The following WDFY4 variants were observed in gnomAD, a reference collection of about 807,000 sequenced individuals.
WDFY4 encodes the protein WD repeat- and FYVE domain-containing protein 4.
WDFY4 carries 169 observed loss-of-function variants against 351.9 expected under a neutral mutation model. The observed-to-expected ratio is 0.48, with a 90% confidence interval of 0.42 to 0.55. The LOEUF is 0.55. Among genes scored for constraint, WDFY4 ranks in the 20% least tolerant of loss-of-function variants. The pLI, the probability that WDFY4 is intolerant of heterozygous loss-of-function variation, is 0.00. For missense variants in WDFY4, 3,803 were observed against 3,935.6 expected, an observed-to-expected ratio of 0.97 and a Z score of 0.90; for synonymous variants, 1,622 against 1,574.6, an observed-to-expected ratio of 1.03 and a Z score of -0.71.
intron 1 of WDFY4, among the ~76,000 whole-genome samples, chr10:48,694,716 C>T (rs1201880660): frequency 5.3e-5 from 8 of 152,210 alleles, no homozygotes; most frequent in Admixed American, 2.0e-4. Context: ...CCCTGAGCCC[C>T]TGTCCCTGCT....
intron 47 of WDFY4, among the ~76,000 whole-genome samples, chr10:48,914,961 C>T (rs1223039573): frequency 6.6e-6 from 1 of 152,214 alleles, no homozygotes; most frequent in East Asian, 1.9e-4. Flanking sequence ...TTCAACTCCT[C>T]TGCACAGAAA....
intron 11 of WDFY4, among the ~76,000 whole-genome samples, chr10:48,738,025 T>C (rs2064726996): frequency 2.0e-5 from 3 of 152,220 alleles, no homozygotes; most frequent in Admixed American, 2.0e-4. Flanking sequence ...TTTTCCTTCA[T>C]ATGTCCATGT....
chr10:48,858,517 G>T (rs770516135), intron 39 of WDFY4, among the ~76,000 whole-genome samples: 1 of 152,190 alleles, frequency 6.6e-6, no homozygotes, highest in Non-Finnish European at 1.5e-5. Flanking sequence ...GGGCATTCAT[G>T]TGTGGATTAT....
rs74130693 is a variant in WDFY4 at position 48,916,042 on chromosome 10, A to G, written c.7586+14179A>G. On this transcript the variant is annotated intron_variant, in intron 47 of 61. Coordinates refer to ENST00000325239, the MANE Select transcript of WDFY4 (RefSeq NM_001394531.1). The stretch of plus-strand genomic sequence containing the variant: ...TTTGTATGCTCACTTGGTCCCACCA[A>G]ACTCCTGAAAGCAAGTAAAGCCTTG... Among the ~76,000 whole-genome samples the G allele has an allele frequency of 8.5e-3, 1,301 of 152,334 alleles. 24 individuals are homozygous for G. Among genetic ancestry groups the G allele is most frequent in the African/African-American group, 0.03 (1,251 of 41,570 alleles).
intron 1 of WDFY4, among the ~76,000 whole-genome samples, chr10:48,689,783 T>G (rs576949375): frequency 6.6e-6 from 1 of 152,238 alleles, no homozygotes; most frequent in Non-Finnish European, 1.5e-5. Context: ...AAAGAAAATA[T>G]ACAAGCTAAT....
At chr10:48,908,578 A>G (rs1277573580) in intron 47 of WDFY4, among the ~76,000 whole-genome samples, 1 of 151,060 alleles carries the variant, frequency 6.6e-6, no homozygotes, top group Non-Finnish European at 1.5e-5. Flanking sequence ...ATAAATCAGC[A>G]CTGGGCAGAT....
chr10:48,917,370 GA>G, intron 47 of WDFY4, among the ~76,000 whole-genome samples: 1 of 152,264 alleles, frequency 6.6e-6, no homozygotes, highest in East Asian at 1.9e-4. Context: ...CAACAGTGAT[GA>G]AAAAGATAAA....
intron 57 of WDFY4, among the ~76,000 whole-genome samples, chr10:48,972,934 G>C (rs1419913714): frequency 3.9e-5 from 6 of 152,190 alleles, no homozygotes; most frequent in African/African-American, 1.4e-4. Flanking sequence ...ATTATTCTGA[G>C]AAAACAAAAC....
Position 48,787,986 on chromosome 10 carries a change from C to CTTCTT in WDFY4, c.3809-544_3809-543insTTCTT, listed in dbSNP as rs2066541964. Among the ~76,000 whole-genome samples, 31 of 65,516 alleles carry CTTCTT rather than the reference C, an allele frequency of 4.7e-4. 1 individual carries two copies. Among genetic ancestry groups the CTTCTT allele is most frequent in the Non-Finnish European group, 7.8e-4 (26 of 33,140 alleles). 43.0% of individuals were successfully genotyped at this position (65,516 alleles called of 152,430 possible). ...TTCTTCTTCTTCTTCTTCTTCTTCT[C>CTTCTT]CTTCTCCTTCTCCTTCTCCTTCTCC... On this transcript the variant is annotated intron_variant, in intron 20 of 61. Coordinates refer to ENST00000325239, the MANE Select transcript of WDFY4 (RefSeq NM_001394531.1).
At chr10:48,881,890 C>G (rs573336341) in intron 43 of WDFY4, among the ~76,000 whole-genome samples, 1 of 152,342 alleles carries the variant, frequency 6.6e-6, no homozygotes, top group East Asian at 1.9e-4. Context: ...TACTCCCACC[C>G]CAGAGCATAG....
In WDFY4 at chr10:48,921,743, A is replaced by AT. The variant is rs563476876; in HGVS notation, c.7586+19888dup. Among the ~76,000 whole-genome samples, 70 of 152,064 alleles carry AT rather than the reference A, an allele frequency of 4.6e-4. 7 individuals carry two copies. The East Asian group carries it at 6.0e-3, about 13-fold the overall frequency. ...CAACAGTAAGAAAGCAAACAATACAATTTTTTTTAATGTCCAGAATATTTA... is the reference window on the plus strand; with the variant it reads ...CAACAGTAAGAAAGCAAACAATACAATTTTTTTTTAATGTCCAGAATATTTA... On this transcript the variant is annotated intron_variant, in intron 47 of 61. Coordinates refer to ENST00000325239, the MANE Select transcript of WDFY4 (RefSeq NM_001394531.1).
intron 5 of WDFY4, among the ~76,000 whole-genome samples, 173 bp from the exon 6 acceptor site, chr10:48,725,708 C>T (rs771543655): frequency 5.3e-5 from 8 of 152,158 alleles, no homozygotes; most frequent in Non-Finnish European, 1.0e-4. Flanking sequence ...GCCACCCTTT[C>T]CTAGGGGGCT....
intron 2 of WDFY4, among the ~76,000 whole-genome samples, chr10:48,715,901 G>A (rs889174257): frequency 9.3e-5 from 14 of 150,484 alleles, no homozygotes; most frequent in African/African-American, 2.2e-4. Context: ...CACCTGCCTC[G>A]GCCTCCCAAA....
chr10:48,753,343 C>T (rs1179578321), intron 12 of WDFY4, among the ~76,000 whole-genome samples: 1 of 151,972 alleles, frequency 6.6e-6, no homozygotes, highest in Non-Finnish European at 1.5e-5. Context: ...TAATAATGTC[C>T]TTTGATGCAC....
rs1187911366 is a variant in WDFY4, at chr10:48,885,728, C to A, written c.7168-4851C>A. On this transcript the variant is annotated intron_variant, in intron 43 of 61. Transcript: ENST00000325239. ...ATAAGGAGATGTTCTCTCTCTCTCT[C>A]TCTCTCTATATATATAGATAGATAG... is the stretch of plus-strand genomic sequence containing the variant. Among the ~76,000 whole-genome samples, 1,126 of 135,710 alleles carry A rather than the reference C, an allele frequency of 8.3e-3. 5 individuals are homozygous for A. Among genetic ancestry groups the A allele is most frequent in the African/African-American group, 0.012 (482 of 38,786 alleles). The allele number at this position is 135,710 out of a possible 152,430, so 89.0% of individuals were successfully genotyped here.
intron 57 of WDFY4, among the ~76,000 whole-genome samples, chr10:48,973,871 G>A (rs1590026773): frequency 6.6e-6 from 1 of 152,188 alleles, no homozygotes; most frequent in Non-Finnish European, 1.5e-5. Flanking sequence ...GACCAAGGAC[G>A]TCTAAGTGTC....
chr10:48,968,860 A>C, intron 55 of WDFY4: 4 of 556,784 alleles, frequency 7.2e-6, no homozygotes, highest in East Asian at 6.1e-5. Flanking sequence ...GGGCCCGGCT[A>C]CAGTGGGTGC....
At chr10:48,747,245 C>T (rs180830405) in intron 12 of WDFY4, among the ~76,000 whole-genome samples, 1 of 152,042 alleles carries the variant, frequency 6.6e-6, no homozygotes, top group Admixed American at 6.6e-5. Context: ...ATTTCTCTTC[C>T]TTTGAAGGTA....
chr10:48,956,396 A>T (rs1841591172), intron 51 of WDFY4, among the ~76,000 whole-genome samples: 1 of 151,758 alleles, frequency 6.6e-6, no homozygotes, highest in Non-Finnish European at 1.5e-5. Flanking sequence ...CGAAGCCAAG[A>T]CCCCTGGTCC....
Sources: gnomAD v4.1 joint callset for allele counts (sites outside exome capture counted in the v4.1 genomes callset) on GRCh38, gnomAD v4.1.1 for gene constraint, MANE v1.5 for transcripts, NCBI Gene and HGNC (gene_info 2026-07-23, HGNC 2026-07-21) for gene names.